The following TMOD1 variants were observed in gnomAD, a reference collection of about 807,000 sequenced individuals.
The protein encoded by TMOD1 is tropomodulin 1.
In TMOD1, 17 loss-of-function variants were observed where a neutral mutation model predicts 40.6. The observed-to-expected ratio is 0.42, with a 90% CI of 0.29 to 0.63. The LOEUF (loss-of-function observed/expected upper bound fraction) is 0.63, where lower values mean the gene tolerates loss of function less well. TMOD1 is among the 20% of genes least tolerant of loss of function. The pLI is 0.22. For missense variants in TMOD1, 391 were observed against 447.6 expected (o/e 0.87, Z 1.14); for synonymous variants, 181 against 175.0 (o/e 1.03, Z -0.27).
At chr9:97,564,658 G>A (rs1325422898) in intron 6 of TMOD1, among the ~76,000 whole-genome samples, 1 of 152,198 alleles carries the variant, frequency 6.6e-6, no homozygotes, top group East Asian at 1.9e-4. Flanking sequence ...GAAGGGAGCT[G>A]TTGGCCAAAA....
chr9:97,591,359 C>T lies in TMOD1; in HGVS notation c.939C>T (p.Leu313=), dbSNP rs781476378. ...VSMLEKNATL[L]KFGYHFTQQG... ...TGTTGGAAAAAAACGCAACACTTCT[C>T]AAATTCGGCTACCACTTTACCCAGC... Residue 313 remains leucine, a synonymous_variant, in exon 9 of 10, where the codon CTC becomes CTT. Coordinates refer to ENST00000259365, the MANE Select transcript of TMOD1 (RefSeq NM_003275.4). The T allele has an allele frequency of 1.2e-6, 2 of 1,614,178 alleles. No homozygotes were observed. Among genetic ancestry groups the T allele is most frequent in the South Asian group, 1.1e-5 (1 of 91,086 alleles).
At chr9:97,530,013 G>T (rs1446241189) in intron 2 of TMOD1, among the ~76,000 whole-genome samples, 1 of 152,232 alleles carries the variant, frequency 6.6e-6, no homozygotes, top group Admixed American at 6.5e-5. Context: ...TCTGAGCGGT[G>T]CTGGGATTCC....
chr9:97,504,355 G>A (rs1379910868), intron 1 of TMOD1, among the ~76,000 whole-genome samples: 1 of 152,118 alleles, frequency 6.6e-6, no homozygotes, highest in Non-Finnish European at 1.5e-5. Context: ...TCTCAACAGA[G>A]CCAGCAACTC....
chr9:97,508,003 G>A (rs1278130960), intron 1 of TMOD1, among the ~76,000 whole-genome samples: 2 of 151,226 alleles, frequency 1.3e-5, no homozygotes, highest in African/African-American at 2.4e-5. Context: ...TTAGTCCTTT[G>A]GGGGGCCTTA....
At chr9:97,534,118 A>G (rs1830143260) in intron 2 of TMOD1, among the ~76,000 whole-genome samples, 2 of 152,240 alleles carry the variant, frequency 1.3e-5, no homozygotes, top group Non-Finnish European at 2.9e-5. Context: ...GACATTTCTC[A>G]TATCATTGCC....
At chr9:97,586,873 G>T (rs1053108351) in intron 8 of TMOD1, among the ~76,000 whole-genome samples, 2 of 152,200 alleles carry the variant, frequency 1.3e-5, no homozygotes, top group African/African-American at 4.8e-5. Flanking sequence ...CTCGCGCACG[G>T]TGCACGCACC....
chr9:97,566,180 G>A (rs1445787364), intron 7 of TMOD1, among the ~76,000 whole-genome samples: 3 of 152,154 alleles, frequency 2.0e-5, no homozygotes, highest in African/African-American at 2.4e-5. Flanking sequence ...GGTCTCAGAT[G>A]TGCAGTTCTC....
intron 2 of TMOD1, among the ~76,000 whole-genome samples, chr9:97,541,091 A>G (rs1434978928): frequency 6.6e-6 from 1 of 152,194 alleles, no homozygotes; most frequent in Non-Finnish European, 1.5e-5. Flanking sequence ...CCTAATGGAT[A>G]ATAGTATTGA....
chr9:97,577,134 C>T (rs966671372), intron 8 of TMOD1, among the ~76,000 whole-genome samples: 1 of 149,180 alleles, frequency 6.7e-6, no homozygotes, highest in African/African-American at 2.6e-5. Flanking sequence ...CTGTCCCTGG[C>T]TCTGCTGCCC....
chr9:97,555,985 G>A (rs148722302), intron 4 of TMOD1, among the ~76,000 whole-genome samples: 1 of 152,216 alleles, frequency 6.6e-6, no homozygotes, highest in Non-Finnish European at 1.5e-5. Flanking sequence ...GAAGTTGGCT[G>A]GGGACCCGGG....
At chr9:97,544,038 T>C (rs1023512560) in intron 2 of TMOD1, among the ~76,000 whole-genome samples, 1 of 152,170 alleles carries the variant, frequency 6.6e-6, no homozygotes, top group Non-Finnish European at 1.5e-5. Flanking sequence ...GTGTCTCTTT[T>C]GATCTGTGGC....
intron 4 of TMOD1, among the ~76,000 whole-genome samples, chr9:97,559,844 T>G (rs1479053699): frequency 1.1e-5 from 1 of 90,902 alleles, no homozygotes. Flanking sequence ...TCTATCTATC[T>G]ATCTATCTCC....
chr9:97,571,875 T>C (rs1563994654), intron 8 of TMOD1, among the ~76,000 whole-genome samples: 3 of 152,240 alleles, frequency 2.0e-5, no homozygotes, highest in Non-Finnish European at 1.5e-5. Context: ...AGTGAGCCTC[T>C]TCTTTGGTTC....
At chr9:97,523,558 T>C (rs1034641459) in intron 1 of TMOD1, among the ~76,000 whole-genome samples, 4 of 152,206 alleles carry the variant, frequency 2.6e-5, no homozygotes, top group African/African-American at 9.7e-5. Flanking sequence ...ATGGGGATAA[T>C]GGTAATACCT....
chr9:97,549,632 G>C (rs1386788216), intron 3 of TMOD1, among the ~76,000 whole-genome samples: 2 of 152,256 alleles, frequency 1.3e-5, no homozygotes, highest in South Asian at 4.2e-4. Flanking sequence ...GTGTTTTGCT[G>C]ATAGAGGTAA....
At chr9:97,511,415 G>T (rs1489655787) in intron 1 of TMOD1, among the ~76,000 whole-genome samples, 1 of 152,130 alleles carries the variant, frequency 6.6e-6, no homozygotes, top group Non-Finnish European at 1.5e-5. Context: ...GCCTTAAAGG[G>T]CCTTAAATCC....
chr9:97,520,444 C>T (rs1829896883), intron 1 of TMOD1, among the ~76,000 whole-genome samples: 1 of 152,162 alleles, frequency 6.6e-6, no homozygotes, highest in African/African-American at 2.4e-5. Flanking sequence ...CTCCCTCCCA[C>T]CCTGTGTCTT....
chr9:97,542,318 T>G (rs1436656072), intron 2 of TMOD1, among the ~76,000 whole-genome samples: 5 of 152,358 alleles, frequency 3.3e-5, no homozygotes, highest in East Asian at 1.9e-4. Flanking sequence ...GAGGCTGATA[T>G]TCTCAATATT....
intron 2 of TMOD1, among the ~76,000 whole-genome samples, chr9:97,535,131 C>T (rs759494315): frequency 7.2e-5 from 11 of 152,070 alleles, no homozygotes; most frequent in African/African-American, 1.9e-4. Context: ...GTCAAGAATT[C>T]GTAGGTCAGG....
Sources: gnomAD v4.1 joint callset for allele counts (sites outside exome capture counted in the v4.1 genomes callset) on GRCh38, gnomAD v4.1.1 for gene constraint, MANE v1.5 for transcripts, NCBI Gene and HGNC (gene_info 2026-07-23, HGNC 2026-07-21) for gene names.